Variants in TRAPPC12 observed in about 807,000 individuals in gnomAD.
TRAPPC12 encodes the protein trafficking protein particle complex subunit 12, also known as TPR repeat protein 15.
A neutral mutation model predicts 69.2 loss-of-function variants in TRAPPC12; 61 were observed. The ratio of observed to expected loss-of-function variants is 0.88; its 90% CI spans 0.72 to 1.09. The LOEUF is 1.09. TRAPPC12 is among the 50% of genes least tolerant of loss of function. The pLI, the probability that TRAPPC12 is intolerant of heterozygous loss-of-function variation, is 0.00. For missense variants in TRAPPC12, 1,101 were observed against 1,016.4 expected (o/e 1.08, Z -1.13); for synonymous variants, 469 against 438.9 (o/e 1.07, Z -0.86).
At chr2:3,479,086 C>A in intron 11 of TRAPPC12, 133 bp from the exon 12 acceptor site, 1 of 1,513,352 alleles carries the variant, frequency 6.6e-7, no homozygotes, top group South Asian at 1.3e-5. Context: ...AGTGACCCAA[C>A]AGGGCCACCT....
chr2:3,417,882 A>C (rs1662514433), intron 3 of TRAPPC12, among the ~76,000 whole-genome samples: 1 of 113,580 alleles, frequency 8.8e-6, no homozygotes, highest in African/African-American at 4.1e-5. Context: ...ATCTCTACTA[A>C]AAATACAAAC....
chr2:3,447,383 C>T lies in TRAPPC12; in HGVS notation c.1530+3492C>T, dbSNP rs144273830. On this transcript the variant is annotated intron_variant, in intron 6 of 11. Coordinates refer to ENST00000324266, the MANE Select transcript of TRAPPC12 (RefSeq NM_016030.6). Reference sequence around the variant, plus strand: ...ACAGTACTGGGATTACAGGCATGAGCCACTGCGCCTGGCCAGGAAGCTTTT... The same window carrying T: ...ACAGTACTGGGATTACAGGCATGAGTCACTGCGCCTGGCCAGGAAGCTTTT... Among the ~76,000 whole-genome samples the T allele has an allele frequency of 2.3e-4, 35 of 152,290 alleles. No individual in the cohort carries two copies. In the East Asian group the frequency reaches 6.2e-3, roughly 27 times the overall value.
At chr2:3,448,980 A>G (rs1195844257) in intron 6 of TRAPPC12, among the ~76,000 whole-genome samples, 2 of 152,372 alleles carry the variant, frequency 1.3e-5, no homozygotes, top group East Asian at 1.9e-4. Flanking sequence ...CAGTTTTAGC[A>G]GGACATCATT....
chr2:3,475,543 C>T (rs1308093946), intron 9 of TRAPPC12, among the ~76,000 whole-genome samples: 1 of 151,692 alleles, frequency 6.6e-6, no homozygotes, highest in African/African-American at 2.4e-5. Flanking sequence ...GATTTTGTAT[C>T]CTAATTACAT....
At chr2:3,413,246 T>C (rs1265927848) in intron 3 of TRAPPC12, among the ~76,000 whole-genome samples, 2 of 152,190 alleles carry the variant, frequency 1.3e-5, no homozygotes, top group African/African-American at 4.8e-5. Flanking sequence ...TTTGTGATAG[T>C]CAAAAAAGTT....
intron 6 of TRAPPC12, among the ~76,000 whole-genome samples, chr2:3,451,893 A>G (rs1024883221): frequency 6.6e-6 from 1 of 152,240 alleles, no homozygotes; most frequent in Admixed American, 6.5e-5. Context: ...TCAATACACT[A>G]TTCCTCATGC....
At chr2:3,457,194 C>A (rs190342359) in intron 6 of TRAPPC12, 3 of 452,416 alleles carry the variant, frequency 6.6e-6, no homozygotes, top group South Asian at 4.7e-5. Context: ...TGAATTAACA[C>A]AGAAACAGAA....
rs78413894 is a variant in TRAPPC12, at chr2:3,447,708, C to T, written c.1530+3817C>T. Among the ~76,000 whole-genome samples, 2,620 of 152,262 alleles carry T rather than the reference C, an allele frequency of 0.017. 111 individuals are homozygous for T. The East Asian group carries it at 0.17, about 10-fold the overall frequency. ...TATCATAGTGCAAAATCTAAAAATA[C>T]TAAAAGCCAGCCCACCACTATTCTG... On this transcript the variant is annotated intron_variant, in intron 6 of 11. Coordinates refer to ENST00000324266, the MANE Select transcript of TRAPPC12 (RefSeq NM_016030.6).
chr2:3,390,660 G>A (rs967490041), intron 2 of TRAPPC12, among the ~76,000 whole-genome samples: 1 of 152,164 alleles, frequency 6.6e-6, no homozygotes, highest in Non-Finnish European at 1.5e-5. Context: ...TTAATGCTGG[G>A]TACATGTTGT....
chr2:3,460,123 C>G (rs895482606), intron 7 of TRAPPC12, 140 bp from the exon 8 acceptor site: 21 of 737,082 alleles, frequency 2.8e-5, no homozygotes, highest in Non-Finnish European at 5.2e-5. Context: ...GCAGCATATT[C>G]AGCATTCCAG....
intron 8 of TRAPPC12, among the ~76,000 whole-genome samples, chr2:3,465,180 TA>T (rs1322905181): frequency 6.6e-6 from 1 of 152,228 alleles, no homozygotes; most frequent in Admixed American, 6.5e-5. Context: ...AGAGACACTT[TA>T]AAAATTTGGC....
At chr2:3,446,997 C>G (rs6758292) in intron 6 of TRAPPC12, among the ~76,000 whole-genome samples, 1 of 152,128 alleles carries the variant, frequency 6.6e-6, no homozygotes, top group Non-Finnish European at 1.5e-5. Flanking sequence ...AAGGAATACC[C>G]GAGGGTGAGT....
chr2:3,460,137 G>A (rs1025712583), intron 7 of TRAPPC12, 126 bp from the exon 8 acceptor site: 102 of 760,796 alleles, frequency 1.3e-4, no homozygotes, highest in Non-Finnish European at 1.8e-4. Context: ...ATTCCAGGCC[G>A]AAATCCAGTG....
chr2:3,400,553 A>G lies in TRAPPC12; in HGVS notation c.1048-1224A>G, dbSNP rs544157856. 4.6e-5 allele frequency among the ~76,000 whole-genome samples: 7 copies of G among 152,200 alleles called. No homozygotes were observed. In the South Asian group the frequency reaches 1.5e-3, roughly 32 times the overall value. Reference sequence around the variant, plus strand: ...TCCTCAGTCAGCAGCACCCCCAGAAAGGAGAGAGATGGTCCAGGGCTGTGT... The same window carrying G: ...TCCTCAGTCAGCAGCACCCCCAGAAGGGAGAGAGATGGTCCAGGGCTGTGT... On this transcript the variant is annotated intron_variant, in intron 2 of 11. Coordinates refer to ENST00000324266, the MANE Select transcript of TRAPPC12 (RefSeq NM_016030.6).
intron 1 of TRAPPC12, among the ~76,000 whole-genome samples, chr2:3,385,331 T>C (rs1186278167): frequency 6.6e-6 from 1 of 152,122 alleles, no homozygotes; most frequent in Non-Finnish European, 1.5e-5. Context: ...AAGAATAAAA[T>C]TTATTTTTTT....
In TRAPPC12 at chr2:3,422,003, A is replaced by G; in HGVS notation, c.1278+9A>G. On this transcript the variant is annotated intron_variant, in intron 4 of 11. Transcript: ENST00000324266. ...CGACAGATTCACTGCAGGTGAGAACACCTTTCAGGTGCTGGAGTTTAACCT... is the reference window on the plus strand; with the variant it reads ...CGACAGATTCACTGCAGGTGAGAACGCCTTTCAGGTGCTGGAGTTTAACCT... 6.2e-7 allele frequency: 1 copy of G among 1,603,316 alleles called. No individual in the cohort carries two copies. The highest frequency in any genetic ancestry group is 8.5e-7 in the Non-Finnish European group (1 of 1,173,994).
chr2:3,450,315 A>G (rs1039681776), intron 6 of TRAPPC12, among the ~76,000 whole-genome samples: 7 of 152,194 alleles, frequency 4.6e-5, no homozygotes, highest in East Asian at 1.9e-4. Flanking sequence ...TCTCGGCAGT[A>G]TGTGTTCTGT....
chr2:3,408,935 C>T (rs990066927), intron 3 of TRAPPC12, among the ~76,000 whole-genome samples: 4 of 152,240 alleles, frequency 2.6e-5, no homozygotes, highest in African/African-American at 4.8e-5. Flanking sequence ...TTCCCACACA[C>T]GCTCCTTTCC....
intron 5 of TRAPPC12, among the ~76,000 whole-genome samples, chr2:3,436,412 A>T (rs6741238): frequency 0.5 from 75,736 of 151,846 alleles, 19,186 homozygotes; most frequent in East Asian, 0.65. Flanking sequence ...TATACTAAAG[A>T]ATATATGTAT....
Sources: allele counts gnomAD v4.1 joint callset (sites outside exome capture counted in the v4.1 genomes callset), GRCh38; gene constraint gnomAD v4.1.1; transcripts MANE v1.5; gene names NCBI Gene and HGNC (gene_info 2026-07-23, HGNC 2026-07-21).